The following GABRA2 variants were observed in gnomAD, a reference collection of about 807,000 sequenced individuals.
The protein encoded by GABRA2 is gamma-aminobutyric acid receptor subunit alpha-2.
GABRA2 carries 16 observed loss-of-function variants against 48.7 expected under a neutral mutation model. The ratio of observed to expected loss-of-function variants is 0.33; its 90% CI spans 0.22 to 0.50. GABRA2 has a LOEUF of 0.50. GABRA2 is among the 20% of genes least tolerant of loss of function. The pLI is 0.98. For missense variants in GABRA2, 275 were observed against 535.6 expected, an observed-to-expected ratio of 0.51 and a Z score of 4.80; for synonymous variants, 185 against 184.5, an observed-to-expected ratio of 1.00 and a Z score of -0.02.
intron 3 of GABRA2, among the ~76,000 whole-genome samples, chr4:46,350,069 A>T (rs1371719027): frequency 6.6e-6 from 1 of 151,864 alleles, no homozygotes; most frequent in Admixed American, 6.6e-5. Context: ...TATCTTCATG[A>T]TCCCCCATGA....
At chr4:46,358,414 T>G (rs1156281424) in intron 3 of GABRA2, among the ~76,000 whole-genome samples, 1 of 152,206 alleles carries the variant, frequency 6.6e-6, no homozygotes, top group Non-Finnish European at 1.5e-5. Flanking sequence ...TGTTTTGTTT[T>G]GCAATACTGA....
chr4:46,356,958 G>A (rs1203512237), intron 3 of GABRA2, among the ~76,000 whole-genome samples: 2 of 151,942 alleles, frequency 1.3e-5, no homozygotes, highest in African/African-American at 2.4e-5. Flanking sequence ...GCCCAGAAGA[G>A]TTGTGTCCTG....
At chr4:46,290,405 C>A (rs982170651) in intron 8 of GABRA2, among the ~76,000 whole-genome samples, 7 of 129,984 alleles carry the variant, frequency 5.4e-5, no homozygotes, top group African/African-American at 1.9e-4. Context: ...AATCTCTTAA[C>A]GTAGAATGTC....
At chr4:46,370,827 GA>G in intron 3 of GABRA2, among the ~76,000 whole-genome samples, 1 of 151,908 alleles carries the variant, frequency 6.6e-6, no homozygotes, top group East Asian at 1.9e-4. Context: ...TCTCTACAAA[GA>G]AAAAATTGGT....
At chr4:46,291,529 G>A (rs1031998043) in intron 8 of GABRA2, among the ~76,000 whole-genome samples, 1 of 152,086 alleles carries the variant, frequency 6.6e-6, no homozygotes, top group African/African-American at 2.4e-5. Flanking sequence ...AGGTAGGCAA[G>A]ATCTAATCAA....
intron 9 of GABRA2, among the ~76,000 whole-genome samples, chr4:46,252,771 C>A (rs929808407): frequency 3.3e-5 from 5 of 151,386 alleles, no homozygotes; most frequent in African/African-American, 1.2e-4. Flanking sequence ...CAAATTGAAA[C>A]ATCATTTAAA....
intron 3 of GABRA2, among the ~76,000 whole-genome samples, chr4:46,344,354 T>C (rs1311232861): frequency 6.6e-6 from 1 of 151,884 alleles, no homozygotes; most frequent in Non-Finnish European, 1.5e-5. Context: ...ATTTGCTTGA[T>C]TTAGAGATCT....
chr4:46,316,239 T>C (rs983829386), intron 4 of GABRA2, among the ~76,000 whole-genome samples: 7 of 152,004 alleles, frequency 4.6e-5, no homozygotes, highest in Non-Finnish European at 1.5e-5. Context: ...ACACTTGTAA[T>C]ACAAAGGTAT....
chr4:46,265,428 A>ATATATATAATATATTGTT (rs1553900032), intron 8 of GABRA2, among the ~76,000 whole-genome samples: 1 of 123,018 alleles, frequency 8.1e-6, no homozygotes, highest in African/African-American at 3.7e-5. Flanking sequence ...TATATTGTGT[A>ATATATATAATATATTGTT]TATATATATA....
At chr4:46,345,809 G>A (rs373572754) in intron 3 of GABRA2, among the ~76,000 whole-genome samples, 3 of 152,038 alleles carry the variant, frequency 2.0e-5, no homozygotes, top group African/African-American at 7.2e-5. Flanking sequence ...AATGACAATA[G>A]TTACAGACAC....
chr4:46,293,619 G>T (rs934617111), intron 8 of GABRA2, among the ~76,000 whole-genome samples: 1 of 152,164 alleles, frequency 6.6e-6, no homozygotes, highest in African/African-American at 2.4e-5. Flanking sequence ...TGTGTAATTG[G>T]CACAGACATA....
At chr4:46,387,800 A>G (rs1253629750) in intron 2 of GABRA2, among the ~76,000 whole-genome samples, 4 of 152,162 alleles carry the variant, frequency 2.6e-5, no homozygotes, top group African/African-American at 9.6e-5. Flanking sequence ...AAATAAAGGT[A>G]TAATAAAGAC....
At chr4:46,342,782 G>T (rs771768768) in intron 3 of GABRA2, among the ~76,000 whole-genome samples, 5 of 151,926 alleles carry the variant, frequency 3.3e-5, no homozygotes, top group African/African-American at 4.8e-5. Flanking sequence ...CAACCTCCTG[G>T]TTAGCTGGTA....
chr4:46,365,500 C>T (rs904731709), intron 3 of GABRA2: 4 of 152,082 alleles, frequency 2.6e-5, no homozygotes, highest in African/African-American at 9.7e-5. Flanking sequence ...GAACAAATCT[C>T]CACATTATGA....
At chr4:46,335,838 G>A (rs754413804) in intron 3 of GABRA2, among the ~76,000 whole-genome samples, 3 of 151,982 alleles carry the variant, frequency 2.0e-5, no homozygotes, top group Admixed American at 6.6e-5. Context: ...CCATTATCTC[G>A]CATTTTCTCT....
At chr4:46,251,877 A>G (rs1714836461) in intron 9 of GABRA2, among the ~76,000 whole-genome samples, 1 of 151,528 alleles carries the variant, frequency 6.6e-6, no homozygotes, top group Non-Finnish European at 1.5e-5. Flanking sequence ...CATCAGTGAA[A>G]TAATATATAA....
At chr4:46,262,610 C>T (rs1362109210) in intron 8 of GABRA2, among the ~76,000 whole-genome samples, 2 of 152,078 alleles carry the variant, frequency 1.3e-5, no homozygotes, top group African/African-American at 4.8e-5. Context: ...TTTAAACATA[C>T]TTCAAGAGGC....
At chr4:46,362,663 A>G (rs967213797) in intron 3 of GABRA2, among the ~76,000 whole-genome samples, 3 of 152,246 alleles carry the variant, frequency 2.0e-5, no homozygotes, top group Non-Finnish European at 4.4e-5. Context: ...ACAGAACCAC[A>G]AAAAGCAACT....
At chr4:46,317,750 TA>T (rs1348674628) in intron 4 of GABRA2, among the ~76,000 whole-genome samples, 4 of 148,776 alleles carry the variant, frequency 2.7e-5, no homozygotes, top group Non-Finnish European at 3.0e-5. Context: ...ATGAGCCAGG[TA>T]AAAAAAAATG....
Sources: gnomAD v4.1 joint callset for allele counts (sites outside exome capture counted in the v4.1 genomes callset) on GRCh38, gnomAD v4.1.1 for gene constraint, MANE v1.5 for transcripts, NCBI Gene and HGNC (gene_info 2026-07-23, HGNC 2026-07-21) for gene names.